ANLN: variants seen among roughly 807,000 people sequenced by gnomAD.
ANLN encodes the protein anillin.
In ANLN, 59 loss-of-function variants were observed where a neutral mutation model predicts 135.1. The observed-to-expected ratio is 0.44, with a 90% CI of 0.35 to 0.54. ANLN has a LOEUF of 0.54. Ranked by LOEUF, ANLN falls within the 20% of genes least tolerant of loss-of-function variation. The pLI, the probability that ANLN is intolerant of heterozygous loss-of-function variation, is 0.00. For missense variants in ANLN, 1,182 were observed against 1,340.0 expected (o/e 0.88, Z 1.84); for synonymous variants, 406 against 456.4 (o/e 0.89, Z 1.41).
chr7:36,439,215 ATCT>A lies in ANLN; in HGVS notation c.2900_2902del (p.Ser967del). 6.3e-7 allele frequency: 1 copy of A among 1,584,344 alleles called. No homozygotes were observed. The highest frequency in any genetic ancestry group is 8.6e-7 in the Non-Finnish European group (1 of 1,161,150). On this transcript the variant is annotated inframe_deletion, in exon 21 of 24. Coordinates refer to ENST00000265748, the MANE Select transcript of ANLN (RefSeq NM_018685.5). ...TGTTTTCTTTGCAGGTCCCCTTTTT[ATCT>A]TCTTTGGAAGGTCATATTTATTTAA...
intron 5 of ANLN, among the ~76,000 whole-genome samples, chr7:36,408,771 T>G (rs772275952): frequency 6.6e-6 from 1 of 152,206 alleles, no homozygotes; most frequent in Non-Finnish European, 1.5e-5. Context: ...CATTTACATA[T>G]AAAACAAAAT....
chr7:36,415,420 ATT>A (rs1787598903), intron 7 of ANLN, among the ~76,000 whole-genome samples: 2 of 151,534 alleles, frequency 1.3e-5, no homozygotes, highest in Non-Finnish European at 2.9e-5. Context: ...ATTTTATTTT[ATT>A]TTATTTTATT....
intron 14 of ANLN, 24 bp from the exon 15 acceptor site, chr7:36,423,793 A>G (rs1275065219): frequency 2.5e-6 from 4 of 1,598,652 alleles, no homozygotes; most frequent in Non-Finnish European, 8.5e-7. Flanking sequence ...TGTGCTTACT[A>G]TGTAATATGA....
At chr7:36,412,936 G>A (rs1787484727) in intron 7 of ANLN, among the ~76,000 whole-genome samples, 1 of 151,768 alleles carries the variant, frequency 6.6e-6, no homozygotes, top group Non-Finnish European at 1.5e-5. Context: ...TCCCCTCTAG[G>A]AATTCTTCCT....
rs1787838940 is a variant in ANLN, at chr7:36,420,661, G to A, written c.2080G>A (p.Val694Ile). The A allele has an allele frequency of 6.2e-7, 1 of 1,613,488 alleles. No individual in the cohort carries two copies. The highest frequency in any genetic ancestry group is 8.5e-7 in the Non-Finnish European group (1 of 1,179,444). The change falls in exon 12 of 24, where the codon GTT becomes ATT. Residue 694 changes from valine to isoleucine, a missense_variant. Around this residue, in one of 3 missense-constraint regions of ANLN, gnomAD observed 1,022 missense variants for 1,134.0 expected, o/e 0.90. Coordinates refer to ENST00000265748, the MANE Select transcript of ANLN (RefSeq NM_018685.5). Reference protein sequence around the residue: ...TERPSIKQVIVRKEDVTSKLD... With the variant: ...TERPSIKQVIIRKEDVTSKLD... ...ACGTCCATCAATAAAGCAGGTGATTGTTCGGAAGGAAGATGTTACTTCAAA... is the reference window on the plus strand; with the variant it reads ...ACGTCCATCAATAAAGCAGGTGATTATTCGGAAGGAAGATGTTACTTCAAA...
At chr7:36,425,920 G>A in intron 18 of ANLN, 95 bp from the exon 19 acceptor site, 2 of 1,191,968 alleles carry the variant, frequency 1.7e-6, no homozygotes, top group Non-Finnish European at 2.4e-6. Context: ...ATTTCTTATT[G>A]TGTTAAAAGA....
At chr7:36,411,261 T>C (rs1242677894) in intron 7 of ANLN, 95 bp downstream of exon 7, 2 of 988,270 alleles carry the variant, frequency 2.0e-6, no homozygotes, top group Non-Finnish European at 1.4e-6. Context: ...TTTACACATT[T>C]TTCTTTTCCA....
At chr7:36,395,553 A>G (rs1488543519) in intron 1 of ANLN, among the ~76,000 whole-genome samples, 1 of 152,192 alleles carries the variant, frequency 6.6e-6, no homozygotes, top group Non-Finnish European at 1.5e-5. Context: ...CTGTAAGGCA[A>G]CATATTCAGA....
intron 15 of ANLN, 93 bp downstream of exon 15, chr7:36,424,036 G>A: frequency 7.7e-7 from 1 of 1,297,224 alleles, no homozygotes; most frequent in Non-Finnish European, 1.0e-6. Context: ...TATAATCTTT[G>A]AAACGCCTTA....
intron 14 of ANLN, among the ~76,000 whole-genome samples, chr7:36,423,311 T>C (rs982098654): frequency 1.3e-5 from 2 of 152,126 alleles, no homozygotes; most frequent in African/African-American, 4.8e-5. Flanking sequence ...ATTCTTGATG[T>C]TATCTGATTT....
rs200246918 is a variant in ANLN at position 36,420,706 on chromosome 7, G to A, written c.2125G>A (p.Ala709Thr). 1 of 1,614,006 alleles carries A rather than the reference G, an allele frequency of 6.2e-7. No homozygotes were observed. Among genetic ancestry groups the A allele is most frequent in the East Asian group, 2.2e-5 (1 of 44,860 alleles). ...VTSKLDEKNNAFPCQVNIKQK... is the reference protein window; with the variant it reads ...VTSKLDEKNNTFPCQVNIKQK... ...TTCAAAACTGGATGAAAAAAATAATGCCTTTCCTTGTCAAGTTAATATCAA... is the reference window on the plus strand; with the variant it reads ...TTCAAAACTGGATGAAAAAAATAATACCTTTCCTTGTCAAGTTAATATCAA... The change falls in exon 12 of 24, where the codon GCC (alanine) becomes ACC (threonine). Residue 709 changes from alanine (A) to threonine (T), a missense_variant. Ala to Thr is a moderately conservative substitution (Grantham distance 58). This residue lies in a region of ANLN where 1,022 missense variants were observed against 1,134.0 expected (regional missense o/e 0.90). Coordinates refer to ENST00000265748, the MANE Select transcript of ANLN (RefSeq NM_018685.5).
At chr7:36,429,208 G>C (rs139974541) in intron 20 of ANLN, among the ~76,000 whole-genome samples, 17 of 151,718 alleles carry the variant, frequency 1.1e-4, no homozygotes, top group Middle Eastern at 3.4e-3. Context: ...AATATATTTT[G>C]GAAGACTTTT....
In ANLN at chr7:36,405,658, A is replaced by G. The variant is rs557352916; in HGVS notation, c.488-523A>G. ...GTTGTTTTTGATTTGATCTAACCCT[A>G]TGCTATCCAATACAGAAGACACTAG... On this transcript the variant is annotated intron_variant, in intron 3 of 23. Coordinates refer to ENST00000265748, the MANE Select transcript of ANLN (RefSeq NM_018685.5). 1.1e-4 allele frequency among the ~76,000 whole-genome samples: 16 copies of G among 152,326 alleles called. No homozygotes were observed. In the East Asian group the frequency reaches 2.9e-3, roughly 28 times the overall value.
rs1717294069 is a variant in ANLN at position 36,420,588 on chromosome 7, C to G, written c.2016-9C>G. 1.2e-6 allele frequency: 2 copies of G among 1,606,964 alleles called. No homozygotes were observed. The highest frequency in any genetic ancestry group is 2.7e-5 in the African/African-American group (2 of 74,882). ...GGATTTCTAATAGAGTGTAACTTACCTCTTGAAGCATTGATGCATATAGAT... is the reference window on the plus strand; with the variant it reads ...GGATTTCTAATAGAGTGTAACTTACGTCTTGAAGCATTGATGCATATAGAT... On this transcript the variant is annotated splice_polypyrimidine_tract_variant and intron_variant, in intron 11 of 23. Transcript: ENST00000265748.
At chr7:36,418,153 C>T (rs554759914) in intron 9 of ANLN, among the ~76,000 whole-genome samples, 12 of 152,284 alleles carry the variant, frequency 7.9e-5, no homozygotes, top group East Asian at 1.9e-4. Flanking sequence ...TTCCCTGGGG[C>T]GCCACCCTCC....
In ANLN at chr7:36,410,615, A is replaced by G. The variant is rs780364655; in HGVS notation, c.1198A>G (p.Ile400Val). 2.4e-5 allele frequency: 38 copies of G among 1,614,152 alleles called. No individual in the cohort carries two copies. In the African/African-American group the frequency reaches 4.3e-4, roughly 18 times the overall value. Residue 400 changes from isoleucine (I) to valine (V), a missense_variant, in exon 6 of 24, where the codon ATT becomes GTT. Physicochemically the swap from Ile to Val is conservative, Grantham distance 29 (BLOSUM62 3). Around this residue, in one of 3 missense-constraint regions of ANLN, gnomAD observed 1,022 missense variants for 1,134.0 expected, o/e 0.90. Coordinates refer to ENST00000265748, the MANE Select transcript of ANLN (RefSeq NM_018685.5). ...TAGCACACCCCACAGAACCCCCATT[A>G]TTACTCCAAATACAAAGGCCATCCA... ...ARSTPHRTPIITPNTKAIQER... is the reference protein window; with the variant it reads ...ARSTPHRTPIVTPNTKAIQER...
At position 36,451,520 on chromosome 7, in the gene ANLN, T is replaced by A. The variant is rs372577552; in HGVS notation, c.3252-957T>A. Among the ~76,000 whole-genome samples the A allele has an allele frequency of 1.1e-3, 166 of 152,322 alleles. 1 individual carries two copies. Among genetic ancestry groups the A allele is most frequent in the African/African-American group, 3.5e-3 (146 of 41,562 alleles). On this transcript the variant is annotated intron_variant, in intron 23 of 23. Coordinates refer to ENST00000265748, the MANE Select transcript of ANLN (RefSeq NM_018685.5). The stretch of plus-strand genomic sequence containing the variant: ...ACCTCCACAGTGACTAGAGATTTTT[T>A]TTATTTTTATTAGCCTCTTGAACCA...
At chr7:36,405,395 T>G (rs1326324021) in intron 3 of ANLN, among the ~76,000 whole-genome samples, 1 of 152,220 alleles carries the variant, frequency 6.6e-6, no homozygotes, top group African/African-American at 2.4e-5. Context: ...AGGAGAGGGC[T>G]TATTTCGAGC....
At chr7:36,402,609 T>C (rs1162667572) in intron 3 of ANLN, among the ~76,000 whole-genome samples, 2 of 152,136 alleles carry the variant, frequency 1.3e-5, no homozygotes, top group Non-Finnish European at 2.9e-5. Flanking sequence ...CAAACGTATC[T>C]CTCTATTTTG....
Sources: gnomAD v4.1 joint callset for allele counts (sites outside exome capture counted in the v4.1 genomes callset) on GRCh38, gnomAD v4.1.1 for gene constraint, gnomAD v4.1.1 regional missense constraint, MANE v1.5 for transcripts, NCBI Gene and HGNC (gene_info 2026-07-23, HGNC 2026-07-21) for gene names.